Variants in NRP1 observed in about 807,000 individuals in gnomAD.
NRP1 encodes the protein neuropilin-1.
A neutral mutation model predicts 106.7 loss-of-function variants in NRP1; 35 were observed. The observed-to-expected ratio is 0.33, with a 90% CI of 0.25 to 0.43. NRP1 has a LOEUF of 0.43. Among genes scored for constraint, NRP1 ranks in the 20% least tolerant of loss-of-function variants. The pLI is 1.00. For synonymous variants in NRP1, 437 were observed against 417.9 expected, an observed-to-expected ratio of 1.05 and a Z score of -0.56; for missense variants, 1,024 against 1,170.4, an observed-to-expected ratio of 0.87 and a Z score of 1.83.
At chr10:33,182,168 T>TATCATC (rs550445801) in intron 16 of NRP1, among the ~76,000 whole-genome samples, 2 of 152,014 alleles carry the variant, frequency 1.3e-5, no homozygotes, top group Admixed American at 6.6e-5. Flanking sequence ...AAATCCTTCT[T>TATCATC]ATCATCATCA....
intron 6 of NRP1, among the ~76,000 whole-genome samples, chr10:33,243,408 A>G (rs976057408): frequency 1.1e-4 from 17 of 152,198 alleles, no homozygotes; most frequent in Non-Finnish European, 5.9e-5. Context: ...AAATGCTTGA[A>G]ACAACCCAAG....
chr10:33,280,374 G>A (rs1031142996), intron 2 of NRP1, among the ~76,000 whole-genome samples: 3 of 152,182 alleles, frequency 2.0e-5, no homozygotes, highest in African/African-American at 7.2e-5. Flanking sequence ...GCAAAGTTCA[G>A]TATTTGTAGA....
intron 2 of NRP1, among the ~76,000 whole-genome samples, chr10:33,325,763 G>A (rs537603326): frequency 2.0e-5 from 3 of 152,200 alleles, no homozygotes; most frequent in South Asian, 4.2e-4. Flanking sequence ...AACTTCTTAC[G>A]AAGTTACAAG....
At chr10:33,274,069 T>C (rs2133322134) in intron 2 of NRP1, among the ~76,000 whole-genome samples, 1 of 152,244 alleles carries the variant, frequency 6.6e-6, no homozygotes, top group African/African-American at 2.4e-5. Context: ...CCTTAAACCT[T>C]CCCCATTCTA....
chr10:33,267,202 T>C (rs770445827), intron 3 of NRP1, among the ~76,000 whole-genome samples: 5 of 152,186 alleles, frequency 3.3e-5, no homozygotes, highest in African/African-American at 4.8e-5. Flanking sequence ...CCTATACAGC[T>C]TGCAGAACTG....
At chr10:33,246,583 A>AACAC (rs59215824) in intron 6 of NRP1, among the ~76,000 whole-genome samples, 22,925 of 137,402 alleles carry the variant, frequency 0.17, 2,590 homozygotes, top group African/African-American at 0.33. Flanking sequence ...AGTTGCAATA[A>AACAC]ACACACACAC....
At chr10:33,238,822 G>A (rs944031700) in intron 6 of NRP1, among the ~76,000 whole-genome samples, 3 of 152,044 alleles carry the variant, frequency 2.0e-5, no homozygotes, top group African/African-American at 7.3e-5. Context: ...AGATCACGAT[G>A]ATGCATATGT....
intron 4 of NRP1, among the ~76,000 whole-genome samples, chr10:33,262,835 T>C (rs1480765391): frequency 6.6e-6 from 1 of 152,200 alleles, no homozygotes; most frequent in African/African-American, 2.4e-5. Flanking sequence ...GATTTGTTTA[T>C]AGCACTTCTC....
At chr10:33,292,582 G>A (rs991118317) in intron 2 of NRP1, among the ~76,000 whole-genome samples, 3 of 152,188 alleles carry the variant, frequency 2.0e-5, no homozygotes, top group African/African-American at 7.2e-5. Context: ...AGGTGAAAGA[G>A]GGCATCCGAG....
In NRP1 at chr10:33,215,720, T is replaced by C. The variant is rs1838706395; in HGVS notation, c.1283-2003A>G. ...CTAAGTCCACATTATCAGCTGAACC[T>C]TAAGAATTCATTACTCAGATACTTT... On this transcript the variant is annotated intron_variant, in intron 8 of 16. Transcript: ENST00000374867. Among the ~76,000 whole-genome samples the C allele has an allele frequency of 2.0e-5, 3 of 152,210 alleles. No homozygotes were observed. In the South Asian group the frequency reaches 6.2e-4, roughly 32 times the overall value.
intron 15 of NRP1, 49 bp from the exon 16 acceptor site, chr10:33,182,797 T>C (rs1835766675): frequency 2.2e-6 from 3 of 1,336,864 alleles, no homozygotes; most frequent in East Asian, 4.6e-5. Context: ...GCCATCAAAA[T>C]ATAATGCACC....
intron 8 of NRP1, among the ~76,000 whole-genome samples, chr10:33,219,727 A>G (rs11009304): frequency 6.6e-6 from 1 of 152,230 alleles, no homozygotes; most frequent in African/African-American, 2.4e-5. Flanking sequence ...ATTGTATTCA[A>G]CTAAAAGGAT....
At chr10:33,243,404 T>C (rs1326406172) in intron 6 of NRP1, among the ~76,000 whole-genome samples, 1 of 152,188 alleles carries the variant, frequency 6.6e-6, no homozygotes, top group Non-Finnish European at 1.5e-5. Context: ...TTTTAAATGC[T>C]TGAAACAACC....
intron 9 of NRP1, chr10:33,211,958 A>T (rs1169968232): frequency 6.6e-6 from 1 of 152,262 alleles, no homozygotes; most frequent in South Asian, 2.1e-4. Context: ...AGTTGTCTGT[A>T]GGTTGGTCCA....
intron 16 of NRP1, 68 bp from the exon 17 acceptor site, chr10:33,180,433 TAGAA>T: frequency 4.1e-6 from 6 of 1,465,432 alleles, no homozygotes; most frequent in Middle Eastern, 1.9e-4. Flanking sequence ...GACAGAAAAA[TAGAA>T]AGGAACGAAA....
At position 33,303,018 on chromosome 10, in the gene NRP1, G is replaced by A. The variant is rs74601192; in HGVS notation, c.248+27690C>T. Among the ~76,000 whole-genome samples, 349 of 152,222 alleles carry A rather than the reference G, an allele frequency of 2.3e-3. 2 individuals carry two copies. Among genetic ancestry groups the A allele is most frequent in the African/African-American group, 7.6e-3 (317 of 41,510 alleles). On this transcript the variant is annotated intron_variant, in intron 2 of 16. Transcript: ENST00000374867. ...TGGGTACATCTTTGTCCAAGGCAGC[G>A]AATCTTTCCCCCGTGATTTCATTAT...
chr10:33,329,032 A>G (rs1848087033), intron 2 of NRP1, among the ~76,000 whole-genome samples: 1 of 152,226 alleles, frequency 6.6e-6, no homozygotes, highest in Non-Finnish European at 1.5e-5. Flanking sequence ...GCAAATACTA[A>G]TAACTACTGC....
At chr10:33,301,556 C>G (rs2132705424) in intron 2 of NRP1, among the ~76,000 whole-genome samples, 1 of 152,220 alleles carries the variant, frequency 6.6e-6, no homozygotes, top group East Asian at 1.9e-4. Flanking sequence ...AAACATGTTA[C>G]TACTGACTTC....
At chr10:33,254,540 A>G (rs963048410) in intron 5 of NRP1, among the ~76,000 whole-genome samples, 5 of 152,212 alleles carry the variant, frequency 3.3e-5, no homozygotes, top group Non-Finnish European at 7.3e-5. Context: ...GTACACACAA[A>G]AAGTTGCATT....
Sources: gnomAD v4.1 joint callset for allele counts (sites outside exome capture counted in the v4.1 genomes callset) on GRCh38, gnomAD v4.1.1 for gene constraint, MANE v1.5 for transcripts, NCBI Gene and HGNC (gene_info 2026-07-23, HGNC 2026-07-21) for gene names.